DNAH2: variants seen among roughly 807,000 people sequenced by gnomAD.
DNAH2 encodes dynein axonemal heavy chain 2, also known as axonemal beta dynein heavy chain 2.
In DNAH2, 323 loss-of-function variants were observed where a neutral mutation model predicts 523.5. That is an observed-to-expected ratio of 0.62 (90% CI 0.56 to 0.68). The LOEUF (loss-of-function observed/expected upper bound fraction) is 0.68, where lower values mean the gene tolerates loss of function less well. Ranked by LOEUF, DNAH2 falls within the 30% of genes least tolerant of loss-of-function variation. DNAH2 has a pLI of 0.00. For missense variants in DNAH2, 4,907 were observed against 5,701.5 expected (o/e 0.86, Z 4.49); for synonymous variants, 2,093 against 2,177.4 (o/e 0.96, Z 1.08).
In DNAH2 at chr17:7,821,977, A is replaced by G. The variant is rs1302017471; in HGVS notation, c.11142+608A>G. On this transcript the variant is annotated intron_variant, in intron 73 of 85. Coordinates refer to ENST00000572933, the MANE Select transcript of DNAH2 (RefSeq NM_020877.5). This position sits in a 1 kb window ranked among gnomAD's most constrained non-coding sequence, Gnocchi z 5.0. Reference sequence around the variant, plus strand: ...CTGCCTCCCACCCCAAACTCTCAACACAGCAACCAGAGAGGTCCCACTCTG... The same window carrying G: ...CTGCCTCCCACCCCAAACTCTCAACGCAGCAACCAGAGAGGTCCCACTCTG... 3.3e-5 allele frequency among the ~76,000 whole-genome samples: 5 copies of G among 151,588 alleles called. No individual in the cohort carries two copies. Among genetic ancestry groups the G allele is most frequent in the Admixed American group, 3.3e-4 (5 of 15,220 alleles).
chr17:7,769,526 C>T (rs1275831094), intron 24 of DNAH2, among the ~76,000 whole-genome samples: 1 of 152,184 alleles, frequency 6.6e-6, no homozygotes, highest in Non-Finnish European at 1.5e-5. Context: ...AACTTTCTTT[C>T]TGTATGGTTT....
At chr17:7,765,785 CTTTTTTT>C (rs1243951478) in intron 21 of DNAH2, among the ~76,000 whole-genome samples, 1 of 145,934 alleles carries the variant, frequency 6.9e-6, no homozygotes, top group African/African-American at 2.5e-5. Context: ...TTTCTTTTTT[CTTTTTTT>C]TTTTGAGATG....
At chr17:7,802,909 G>A (rs2077263103) in intron 58 of DNAH2, among the ~76,000 whole-genome samples, 1 of 151,954 alleles carries the variant, frequency 6.6e-6, no homozygotes, top group Admixed American at 6.6e-5. Context: ...CTGACCTCAG[G>A]TGATCCTCCG....
intron 4 of DNAH2, among the ~76,000 whole-genome samples, chr17:7,728,002 A>G (rs927516372): frequency 3.9e-5 from 6 of 152,158 alleles, no homozygotes; most frequent in African/African-American, 1.4e-4. Flanking sequence ...CACTCTACGT[A>G]CAAAGAAAAG....
At position 7,760,932 on chromosome 17, in the gene DNAH2, G is replaced by A; in HGVS notation, c.2978G>A (p.Arg993His). The change falls in exon 18 of 86, where the codon CGC (arginine) becomes CAC (histidine). Residue 993 changes from arginine to histidine, a missense_variant and splice_region_variant. Arg to His is a conservative substitution (Grantham distance 29, BLOSUM62 0). This residue lies in a region of DNAH2 where 2,806 missense variants were observed against 3,190.8 expected (regional missense o/e 0.88). Coordinates refer to ENST00000572933, the MANE Select transcript of DNAH2 (RefSeq NM_020877.5). This position sits in a 1 kb window ranked among gnomAD's most constrained non-coding sequence, Gnocchi z 4.0. ...PVSSFVADIA[R>H]YTEVANNVQK... Reference sequence around the variant, plus strand: ...TCTTCTTTTGTTGCCGACATTGCCCGGTGAGTGGTGAGGGTGGATTGAAAG... The same window carrying A: ...TCTTCTTTTGTTGCCGACATTGCCCAGTGAGTGGTGAGGGTGGATTGAAAG... The A allele has an allele frequency of 6.2e-7, 1 of 1,613,826 alleles. No individual in the cohort carries two copies. The highest frequency in any genetic ancestry group is 8.5e-7 in the Non-Finnish European group (1 of 1,179,826).
chr17:7,830,913 G>A, intron 79 of DNAH2, 71 bp downstream of exon 79: 1 of 1,594,036 alleles, frequency 6.3e-7, no homozygotes, highest in South Asian at 1.1e-5. Context: ...TCAGGGGTGG[G>A]GGTAATGTTT....
In DNAH2 at chr17:7,737,304, C is replaced by G. The variant is rs370701418; in HGVS notation, c.1170+46C>G. 18 of 1,586,286 alleles carry G rather than the reference C, an allele frequency of 1.1e-5. 1 individual carries two copies. The highest frequency in any genetic ancestry group is 2.6e-6 in the Non-Finnish European group (3 of 1,160,856). Reference sequence around the variant, plus strand: ...GGATGGAGGGGTTTATGAGGGTGGCCGGGTTTTCTGAAGCAGGGGGAATGC... The same window carrying G: ...GGATGGAGGGGTTTATGAGGGTGGCGGGGTTTTCTGAAGCAGGGGGAATGC... On this transcript the variant is annotated intron_variant, in intron 8 of 85. Coordinates refer to ENST00000572933, the MANE Select transcript of DNAH2 (RefSeq NM_020877.5).
At chr17:7,766,211 C>A in intron 21 of DNAH2, 107 bp from the exon 22 acceptor site, 1 of 1,239,552 alleles carries the variant, frequency 8.1e-7, no homozygotes, top group Non-Finnish European at 1.1e-6. Flanking sequence ...CCTTCCCTCT[C>A]TCACGTGAGG....
intron 48 of DNAH2, among the ~76,000 whole-genome samples, chr17:7,793,475 C>CT (rs1182352039): frequency 5.3e-5 from 7 of 132,290 alleles, no homozygotes; most frequent in African/African-American, 1.8e-4. Context: ...TTCTTTCTTT[C>CT]TTTCTTTCTT....
At position 7,794,180 on chromosome 17, in the gene DNAH2, C is replaced by T. The variant is rs1052778557; in HGVS notation, c.7570-74C>T. 47 of 1,098,158 alleles carry T rather than the reference C, an allele frequency of 4.3e-5. No individual in the cohort carries two copies. In the African/African-American group the frequency reaches 7.2e-4, roughly 17 times the overall value. The allele number at this position is 1,098,158 out of a possible 1,614,324, so 68.0% of individuals were successfully genotyped here. On this transcript the variant is annotated intron_variant, in intron 48 of 85. Transcript: ENST00000572933. ...GCACTGTTTTCCTCCCACTCCTTTT[C>T]ACCTGGCCTGTGTCGGCGCCTCTCT...
chr17:7,799,117 C>T lies in DNAH2; in HGVS notation c.8574C>T (p.Ile2858=). The change falls in exon 56 of 86, where the codon ATC becomes ATT. Residue 2858 remains isoleucine (I), a synonymous_variant. Coordinates refer to ENST00000572933, the MANE Select transcript of DNAH2 (RefSeq NM_020877.5). ...CTTCTGTCCAGATCCAGTCGCATAT[C>T]ATAGACCAGGCCCGGGTGGAGCAGG... ...PDEFEEIQSH[I]IDQARVEQVP... is the part of the protein sequence containing the mutation. 6.2e-7 allele frequency: 1 copy of T among 1,614,180 alleles called. No homozygotes were observed. Among genetic ancestry groups the T allele is most frequent in the Non-Finnish European group, 8.5e-7 (1 of 1,180,050 alleles).
In DNAH2 at chr17:7,792,710, A is replaced by T; in HGVS notation, c.7199A>T (p.Tyr2400Phe). The T allele has an allele frequency of 6.2e-7, 1 of 1,614,060 alleles. No homozygotes were observed. ...ACCGTCGACACTGTTCGCTACAACT[A>T]CCTGGTGAGCAGCTTGGTGGCCAAC... ...VPTVDTVRYN[Y>F]LVSSLVANQN... is the part of the protein sequence containing the mutation. Residue 2400 changes from tyrosine (Y) to phenylalanine (F), a missense_variant, in exon 47 of 86, where the codon TAC (tyrosine) becomes TTC (phenylalanine). Tyr to Phe is a conservative substitution (Grantham distance 22). Coordinates refer to ENST00000572933, the MANE Select transcript of DNAH2 (RefSeq NM_020877.5).
intron 48 of DNAH2, among the ~76,000 whole-genome samples, chr17:7,793,743 G>A (rs1399760401): frequency 2.0e-5 from 3 of 151,900 alleles, no homozygotes; most frequent in Admixed American, 6.6e-5. Flanking sequence ...GGCATTACAG[G>A]CCTGAGCCAT....
Position 7,819,278 on chromosome 17 carries a change from C to T in DNAH2, c.10885C>T (p.Pro3629Ser). The T allele has an allele frequency of 6.2e-7, 1 of 1,614,220 alleles. No individual in the cohort carries two copies. The highest frequency in any genetic ancestry group is 8.5e-7 in the Non-Finnish European group (1 of 1,180,048). ...FVLNDMGCIDPMYQFSLDAYI... is the reference protein window; with the variant it reads ...FVLNDMGCIDSMYQFSLDAYI... The stretch of plus-strand genomic sequence containing the variant: ...GCTCAATGATATGGGCTGCATCGAC[C>T]CCATGTACCAGTTCTCACTGGATGC... Residue 3629 changes from proline (P) to serine (S), a missense_variant, in exon 72 of 86, where the codon CCC (proline) becomes TCC (serine). Physicochemically the swap from Pro to Ser is moderately conservative, Grantham distance 74. Around this residue, in one of 3 missense-constraint regions of DNAH2, gnomAD observed 1,851 missense variants for 2,139.4 expected, o/e 0.87. Transcript: ENST00000572933.
chr17:7,734,418 T>G lies in DNAH2; in HGVS notation c.740-52T>G. ...CGGGGTTGCGGGGAGTGAAGGATGC[T>G]GTTGGGAAGCAGTGTGAAGAAACGA... On this transcript the variant is annotated intron_variant, in intron 6 of 85. Coordinates refer to ENST00000572933, the MANE Select transcript of DNAH2 (RefSeq NM_020877.5). The G allele has an allele frequency of 2.5e-6, 4 of 1,604,452 alleles. No homozygotes were observed. In the Admixed American group the frequency reaches 6.7e-5, roughly 27 times the overall value.
intron 44 of DNAH2, among the ~76,000 whole-genome samples, chr17:7,789,205 G>C (rs1042206964): frequency 1.3e-5 from 2 of 152,150 alleles, no homozygotes; most frequent in Non-Finnish European, 2.9e-5. Context: ...AGATGGACTT[G>C]CCAGGTACTG....
intron 29 of DNAH2, 118 bp downstream of exon 29, chr17:7,775,094 C>T (rs2076412455): frequency 7.9e-7 from 1 of 1,266,532 alleles, no homozygotes; most frequent in Non-Finnish European, 1.1e-6. Flanking sequence ...TAATGATTCT[C>T]AATTCTCAGG....
intron 39 of DNAH2, among the ~76,000 whole-genome samples, chr17:7,782,477 A>T (rs2076627602): frequency 6.6e-6 from 1 of 152,210 alleles, no homozygotes; most frequent in South Asian, 2.1e-4. Flanking sequence ...TGACTGGAAG[A>T]AGCAAAAGCA....
In DNAH2 at chr17:7,819,353, A is replaced by G; in HGVS notation, c.10960A>G (p.Lys3654Glu). ...LSIDKSHRSN[K>E]LEDRIDYLND... ...CATTGACAAAAGCCACCGCAGCAAT[A>G]AGCTGGAGGACCGCATTGACTACCT... The change falls in exon 72 of 86, where the codon AAG (lysine) becomes GAG (glutamate). Residue 3654 changes from lysine to glutamate, a missense_variant. This residue lies in a region of DNAH2 where 1,851 missense variants were observed against 2,139.4 expected (regional missense o/e 0.87). Transcript: ENST00000572933. 6.2e-7 allele frequency: 1 copy of G among 1,614,220 alleles called. No homozygotes were observed. The highest frequency in any genetic ancestry group is 8.5e-7 in the Non-Finnish European group (1 of 1,180,040).
Sources: allele counts gnomAD v4.1 joint callset (sites outside exome capture counted in the v4.1 genomes callset), GRCh38; gene constraint gnomAD v4.1.1; regional missense constraint gnomAD v4.1.1; non-coding constraint Gnocchi (gnomAD v3.1); transcripts MANE v1.5; gene names NCBI Gene and HGNC (gene_info 2026-07-23, HGNC 2026-07-21).